GYG1: variants seen among roughly 807,000 people sequenced by gnomAD.
GYG1 encodes glycogenin-1.
Under a neutral mutation model 41.9 loss-of-function variants are expected in GYG1, and 44 were observed. The observed-to-expected ratio is 1.05, with a 90% confidence interval of 0.83 to 1.35. GYG1 has a LOEUF of 1.35. Among genes scored for constraint, GYG1 ranks in the 40% most tolerant of loss-of-function variants. The probability of loss-of-function intolerance (pLI) is 0.00; values close to 1 mark genes in which losing one functional copy is unlikely to be tolerated. For synonymous variants in GYG1, 141 were observed against 158.1 expected (o/e 0.89, Z 0.81); for missense variants, 429 against 418.9 (o/e 1.02, Z -0.21).
chr3:149,007,533 C>G (rs1001373911), intron 4 of GYG1, among the ~76,000 whole-genome samples: 1 of 152,162 alleles, frequency 6.6e-6, no homozygotes, highest in South Asian at 2.1e-4. Context: ...GGATAGAATA[C>G]GCAGAGGGTG....
In GYG1 at chr3:149,027,272, A is replaced by T; in HGVS notation, c.*339A>T. 2 of 322,302 alleles carry T rather than the reference A, an allele frequency of 6.2e-6. No individual in the cohort carries two copies. The highest frequency in any genetic ancestry group is 6.4e-5 in the East Asian group (1 of 15,600). The allele number at this position is 322,302 out of a possible 1,614,324, so 20.0% of individuals were successfully genotyped here. A position where few individuals can be genotyped will look rare whatever the true frequency, so the allele number is the denominator to read the frequency against. On this transcript the variant is annotated 3_prime_UTR_variant, in exon 8 of 8. Transcript: ENST00000345003. ...TGCAGAGCCTGGTTCAAAATCAGTCACTCCCTTCAGAAGCAGACATGGCAT... is the reference window on the plus strand; with the variant it reads ...TGCAGAGCCTGGTTCAAAATCAGTCTCTCCCTTCAGAAGCAGACATGGCAT...
intron 3 of GYG1, 44 bp downstream of exon 3, chr3:148,996,520 A>G (rs770310761): frequency 2.0e-6 from 3 of 1,497,868 alleles, no homozygotes; most frequent in African/African-American, 2.7e-5. Flanking sequence ...ATATATATAT[A>G]TGGTGATGGA....
rs1181165012 is a variant in GYG1, at chr3:149,021,557, T to G, written c.609-2496T>G. ...AGCATGGTAGGATGGTAAGTGCTCATGCCTTAGAGGTAAAACCATGTCAAA... is the reference window on the plus strand; with the variant it reads ...AGCATGGTAGGATGGTAAGTGCTCAGGCCTTAGAGGTAAAACCATGTCAAA... On this transcript the variant is annotated intron_variant, in intron 5 of 7. Transcript: ENST00000345003. 2.0e-5 allele frequency among the ~76,000 whole-genome samples: 3 copies of G among 152,196 alleles called. No individual in the cohort carries two copies. The East Asian group carries it at 5.8e-4, about 29-fold the overall frequency.
intron 5 of GYG1, among the ~76,000 whole-genome samples, chr3:149,022,792 C>T (rs1331722744): frequency 6.6e-6 from 1 of 151,970 alleles, no homozygotes; most frequent in Non-Finnish European, 1.5e-5. Flanking sequence ...CCGTACCCGG[C>T]CTGTTTTGAC....
intron 4 of GYG1, 40 bp downstream of exon 4, chr3:148,996,944 A>G (rs1712834262): frequency 3.4e-6 from 5 of 1,450,032 alleles, no homozygotes; most frequent in Non-Finnish European, 4.9e-6. Flanking sequence ...AGCTGTTAAT[A>G]GTAATTTCTA....
intron 5 of GYG1, among the ~76,000 whole-genome samples, chr3:149,018,530 CT>C (rs1179630838): frequency 6.6e-6 from 1 of 152,070 alleles, no homozygotes; most frequent in African/African-American, 2.4e-5. Flanking sequence ...CAAAATCTGG[CT>C]TCACTTCTCT....
At position 149,030,754 on chromosome 3, in the gene GYG1, C is replaced by T. The variant is rs1714946370; in HGVS notation, c.*3821C>T. On this transcript the variant is annotated 3_prime_UTR_variant, in exon 8 of 8. Transcript: ENST00000345003. ...TGGTTTTGATGAAAATCAGCCCTTT[C>T]CTTACCTGCTACTGCCTCAAAAAGG... 1 of 152,170 alleles carries T rather than the reference C, an allele frequency of 6.6e-6. No individual in the cohort carries two copies. The highest frequency in any genetic ancestry group is 6.5e-5 in the Admixed American group (1 of 15,272). The allele number at this position is 152,170 out of a possible 1,614,324, so 9.4% of individuals were successfully genotyped here.
chr3:148,994,070 A>G, intron 1 of GYG1, 72 bp from the exon 2 acceptor site: 2 of 1,365,172 alleles, frequency 1.5e-6, no homozygotes, highest in South Asian at 2.3e-5. Context: ...TACTGTTTGA[A>G]TGGGTTCCTG....
intron 1 of GYG1, among the ~76,000 whole-genome samples, chr3:148,993,723 G>T (rs1002911865): frequency 3.9e-5 from 6 of 152,192 alleles, no homozygotes; most frequent in African/African-American, 1.4e-4. Flanking sequence ...TCTGCTTTCA[G>T]ACTGACTGAA....
rs772320983 is a variant in GYG1 at position 149,031,354 on chromosome 3, T to C, written c.*4421T>C. The C allele has an allele frequency of 1.3e-5, 2 of 152,570 alleles. No individual in the cohort carries two copies. The highest frequency in any genetic ancestry group is 2.9e-5 in the Non-Finnish European group (2 of 68,014). The allele number at this position is 152,570 out of a possible 1,614,324, so 9.5% of individuals were successfully genotyped here. ...ATCCAGATATCACGCCTCTCACATA[T>C]AGTAGTCTTCTGAATTATAAAAATT... On this transcript the variant is annotated 3_prime_UTR_variant, in exon 8 of 8. Coordinates refer to ENST00000345003, the MANE Select transcript of GYG1 (RefSeq NM_004130.4).
chr3:149,014,249 C>CT (rs933778579), intron 5 of GYG1, among the ~76,000 whole-genome samples: 59 of 152,282 alleles, frequency 3.9e-4, no homozygotes, highest in African/African-American at 1.3e-3. Context: ...GTGTTTATCT[C>CT]TATCAGATGA....
Position 149,009,295 on chromosome 3 carries a change from G to C in GYG1, c.501G>C (p.Leu167=), listed in dbSNP as rs1219800251. 1 of 1,612,870 alleles carries C rather than the reference G, an allele frequency of 6.2e-7. No homozygotes were observed. The highest frequency in any genetic ancestry group is 1.1e-5 in the South Asian group (1 of 91,050). Residue 167 remains leucine, a synonymous_variant, in exon 5 of 8, where the codon CTG becomes CTC. Transcript: ENST00000345003. ...TTTTAGGTGGGGACCAAGGCATACTGAACACATTTTTTAGCAGCTGGGCAA... is the reference window on the plus strand; with the variant it reads ...TTTTAGGTGGGGACCAAGGCATACTCAACACATTTTTTAGCAGCTGGGCAA... ...GSFDGGDQGI[L]NTFFSSWATT...
chr3:149,015,646 G>A (rs1032954042), intron 5 of GYG1, among the ~76,000 whole-genome samples: 4 of 152,282 alleles, frequency 2.6e-5, no homozygotes, highest in South Asian at 4.2e-4. Flanking sequence ...GCAAGAGGAC[G>A]TCTGGTGGAG....
chr3:149,030,830 A>T lies in GYG1; in HGVS notation c.*3897A>T, dbSNP rs1030074802. 4 of 152,182 alleles carry T rather than the reference A, an allele frequency of 2.6e-5. No homozygotes were observed. The highest frequency in any genetic ancestry group is 4.4e-5 in the Non-Finnish European group (3 of 68,038). 9.4% of individuals were successfully genotyped at this position (152,182 alleles called of 1,614,324 possible). On this transcript the variant is annotated 3_prime_UTR_variant, in exon 8 of 8. Coordinates refer to ENST00000345003, the MANE Select transcript of GYG1 (RefSeq NM_004130.4). ...TTCACTGTTCCCTTTGAGCAAGAAAACGGCACAGGGAGAAAAGGACTTATC... is the reference window on the plus strand; with the variant it reads ...TTCACTGTTCCCTTTGAGCAAGAAATCGGCACAGGGAGAAAAGGACTTATC...
chr3:148,994,207 T>C lies in GYG1; in HGVS notation c.73T>C (p.Ser25Pro), dbSNP rs778412114. ...CAAAGGTGCCCTGGTCCTGGGATCA[T>C]CTCTGAAACAGCACAGGACCACCAG... Reference protein sequence around the residue: ...YAKGALVLGSSLKQHRTTRRL... With the variant: ...YAKGALVLGSPLKQHRTTRRL... Residue 25 changes from serine to proline, a missense_variant, in exon 2 of 8, where the codon TCT becomes CCT. By Grantham distance (74) the Ser-to-Pro change is moderately conservative. Transcript: ENST00000345003. The C allele has an allele frequency of 6.2e-6, 10 of 1,613,832 alleles. No homozygotes were observed. Among genetic ancestry groups the C allele is most frequent in the Non-Finnish European group, 8.5e-6 (10 of 1,179,920 alleles).
intron 1 of GYG1, among the ~76,000 whole-genome samples, 183 bp downstream of exon 1, chr3:148,991,830 C>A (rs559070701): frequency 1.3e-5 from 2 of 152,232 alleles, no homozygotes; most frequent in Non-Finnish European, 1.5e-5. Context: ...CGCCGCCCCC[C>A]AGAGTGCAGG....
intron 4 of GYG1, chr3:149,008,978 T>G (rs1005997370): frequency 9.3e-6 from 3 of 322,720 alleles, no homozygotes; most frequent in African/African-American, 6.4e-5. Flanking sequence ...GCCAACACGG[T>G]GAAACCCCAT....
In GYG1 at chr3:149,010,351, G is replaced by A. The variant is rs796949598; in HGVS notation, c.608+949G>A. 2.8e-3 allele frequency among the ~76,000 whole-genome samples: 399 copies of A among 140,730 alleles called. 2 individuals are homozygous for A. The highest frequency in any genetic ancestry group is 0.01 in the African/African-American group (381 of 36,958). 92.3% of individuals were successfully genotyped at this position (140,730 alleles called of 152,430 possible). ...TCTTTTTTTTTTTTTTTTTTGAGAC[G>A]AAGTCTCACTTTGTTGCCCAGGCTG... On this transcript the variant is annotated intron_variant, in intron 5 of 7. Transcript: ENST00000345003.
chr3:148,993,342 A>C (rs1712595106), intron 1 of GYG1, among the ~76,000 whole-genome samples: 1 of 151,360 alleles, frequency 6.6e-6, no homozygotes, highest in South Asian at 2.1e-4. Context: ...TGCAGGATGG[A>C]CCTGCACCTT....
Sources: gnomAD v4.1 joint callset for allele counts (sites outside exome capture counted in the v4.1 genomes callset) on GRCh38, gnomAD v4.1.1 for gene constraint, MANE v1.5 for transcripts, NCBI Gene and HGNC (gene_info 2026-07-23, HGNC 2026-07-21) for gene names.